The following GRIK1 variants were observed in gnomAD, a reference collection of about 807,000 sequenced individuals.
The protein encoded by GRIK1 is glutamate ionotropic receptor kainate type subunit 1, also known as glutamate receptor ionotropic, kainate 1.
Under a neutral mutation model 105.7 loss-of-function variants are expected in GRIK1, and 69 were observed. The ratio of observed to expected loss-of-function variants is 0.65; its 90% confidence interval spans 0.54 to 0.80. The LOEUF is 0.80. Among genes scored for constraint, GRIK1 ranks in the 30% least tolerant of loss-of-function variants. The pLI is 0.00. For synonymous variants in GRIK1, 438 were observed against 431.3 expected (o/e 1.02, Z -0.19); for missense variants, 1,109 against 1,167.3 (o/e 0.95, Z 0.73).
chr21:29,821,626 A>T (rs564171162), intron 1 of GRIK1, among the ~76,000 whole-genome samples: 1 of 152,184 alleles, frequency 6.6e-6, no homozygotes, highest in African/African-American at 2.4e-5. Flanking sequence ...GTTCCCTGCA[A>T]TAGGAAGGAG....
At chr21:29,643,908 A>ACG (rs547905960) in intron 6 of GRIK1, among the ~76,000 whole-genome samples, 4 of 146,084 alleles carry the variant, frequency 2.7e-5, no homozygotes, top group African/African-American at 5.3e-5. Context: ...GGGCACACAC[A>ACG]TGCACACACA....
At chr21:29,919,199 G>A (rs543163479) in intron 1 of GRIK1, among the ~76,000 whole-genome samples, 1 of 152,232 alleles carries the variant, frequency 6.6e-6, no homozygotes, top group African/African-American at 2.4e-5. Flanking sequence ...TGTCTTCCAA[G>A]CTGATGTTGT....
chr21:29,764,957 C>T (rs2065620711), intron 1 of GRIK1, among the ~76,000 whole-genome samples: 1 of 152,144 alleles, frequency 6.6e-6, no homozygotes, highest in Non-Finnish European at 1.5e-5. Flanking sequence ...AAAATGCATT[C>T]CAAGCCCTTT....
rs917849053 is a variant in GRIK1 at position 29,649,534 on chromosome 21, C to T, written c.954+1584G>A. Among the ~76,000 whole-genome samples the T allele has an allele frequency of 2.6e-5, 4 of 152,250 alleles. No homozygotes were observed. In the South Asian group the frequency reaches 8.3e-4, roughly 32 times the overall value. ...TCACACTTCCTGCCCAGGGGATTAC[C>T]GTTAGCTCAGGACACCAGCTGCTGC... is the stretch of plus-strand genomic sequence containing the variant. On this transcript the variant is annotated intron_variant, in intron 6 of 17. Transcript: ENST00000327783.
intron 3 of GRIK1, among the ~76,000 whole-genome samples, chr21:29,682,600 C>T (rs1225968414): frequency 6.6e-6 from 1 of 152,122 alleles, no homozygotes; most frequent in Non-Finnish European, 1.5e-5. Flanking sequence ...TAAAACAGGA[C>T]CCCTGTCTTT....
chr21:29,905,022 C>A, intron 1 of GRIK1, among the ~76,000 whole-genome samples: 1 of 151,962 alleles, frequency 6.6e-6, no homozygotes, highest in Non-Finnish European at 1.5e-5. Context: ...TCTGAGCCTC[C>A]GAGCGGTCTC....
intron 4 of GRIK1, among the ~76,000 whole-genome samples, chr21:29,670,993 A>T (rs748876531): frequency 2.0e-5 from 3 of 152,220 alleles, no homozygotes; most frequent in Non-Finnish European, 4.4e-5. Flanking sequence ...ACAGCATCTC[A>T]TGGTGGAGAA....
intron 1 of GRIK1, among the ~76,000 whole-genome samples, chr21:29,764,603 A>G (rs2065611095): frequency 6.6e-6 from 1 of 152,218 alleles, no homozygotes; most frequent in Admixed American, 6.5e-5. Context: ...CCAAAGTTTG[A>G]TGTCCAAATT....
chr21:29,854,170 G>A (rs1413018756), intron 1 of GRIK1, among the ~76,000 whole-genome samples: 3 of 152,148 alleles, frequency 2.0e-5, no homozygotes, highest in African/African-American at 4.8e-5. Flanking sequence ...AAGGGGAAGG[G>A]GAGCTGCATC....
At chr21:29,584,909 T>C (rs996041719) in intron 12 of GRIK1, among the ~76,000 whole-genome samples, 2 of 152,164 alleles carry the variant, frequency 1.3e-5, no homozygotes, top group Admixed American at 6.5e-5. Context: ...AGTCTAAATA[T>C]ATATTTAGTG....
intron 1 of GRIK1, among the ~76,000 whole-genome samples, chr21:29,791,376 T>C (rs2066409431): frequency 6.6e-6 from 1 of 152,066 alleles, no homozygotes; most frequent in South Asian, 2.1e-4. Context: ...GAAAGAACAG[T>C]GCTTTATAAG....
intron 1 of GRIK1, among the ~76,000 whole-genome samples, chr21:29,781,158 C>G (rs1601678204): frequency 6.6e-6 from 1 of 152,230 alleles, no homozygotes; most frequent in East Asian, 1.9e-4. Flanking sequence ...ATACACAAAC[C>G]CTTTTCACAG....
At chr21:29,577,901 T>C (rs1314198804) in intron 13 of GRIK1, among the ~76,000 whole-genome samples, 1 of 152,194 alleles carries the variant, frequency 6.6e-6, no homozygotes, top group Non-Finnish European at 1.5e-5. Flanking sequence ...GGTAAGAATA[T>C]ACATTTTAGA....
At chr21:29,582,997 C>T (rs901858590) in intron 12 of GRIK1, among the ~76,000 whole-genome samples, 3 of 152,012 alleles carry the variant, frequency 2.0e-5, no homozygotes, top group Non-Finnish European at 4.4e-5. Context: ...CAGACAATTC[C>T]TCCTCATGAA....
At chr21:29,939,312 G>T in intron 1 of GRIK1, 71 bp downstream of exon 1, 1 of 921,762 alleles carries the variant, frequency 1.1e-6, no homozygotes, top group South Asian at 1.5e-5. Context: ...GCCTCGCCCG[G>T]GACCCGCTAC....
intron 1 of GRIK1, among the ~76,000 whole-genome samples, chr21:29,904,977 G>A (rs2070557300): frequency 6.6e-6 from 1 of 152,150 alleles, no homozygotes; most frequent in Non-Finnish European, 1.5e-5. Context: ...ACCGCTATAC[G>A]TGCTGCAGCA....
intron 1 of GRIK1, among the ~76,000 whole-genome samples, chr21:29,863,749 AT>A (rs2068720251): frequency 6.6e-6 from 1 of 152,172 alleles, no homozygotes; most frequent in African/African-American, 2.4e-5. Flanking sequence ...GAGGAATGTA[AT>A]AAACTATTTT....
At chr21:29,749,625 C>A (rs955216315) in intron 1 of GRIK1, among the ~76,000 whole-genome samples, 3 of 152,188 alleles carry the variant, frequency 2.0e-5, no homozygotes, top group African/African-American at 7.2e-5. Flanking sequence ...CAGGAGAGTG[C>A]AGACACTTTA....
intron 16 of GRIK1, among the ~76,000 whole-genome samples, chr21:29,549,043 G>T (rs2090088941): frequency 6.6e-6 from 1 of 152,054 alleles, no homozygotes. Context: ...TTTGTTTATT[G>T]ATTTATAGAG....
Sources: gnomAD v4.1 joint callset for allele counts (sites outside exome capture counted in the v4.1 genomes callset) on GRCh38, gnomAD v4.1.1 for gene constraint, MANE v1.5 for transcripts, NCBI Gene and HGNC (gene_info 2026-07-23, HGNC 2026-07-21) for gene names.